Variants in NDUFB3 observed in about 807,000 individuals in gnomAD.
The protein encoded by NDUFB3 is NADH dehydrogenase [ubiquinone] 1 beta subcomplex subunit 3.
NDUFB3 carries 7 observed loss-of-function variants against 9.0 expected under a neutral mutation model. The observed-to-expected ratio is 0.78, with a 90% CI of 0.44 to 1.46. The LOEUF is 1.46. Among genes scored for constraint, NDUFB3 ranks in the 40% most tolerant of loss-of-function variants. NDUFB3 has a pLI of 0.01. For synonymous variants in NDUFB3, 29 were observed against 38.5 expected (o/e 0.75, Z 0.91); for missense variants, 93 against 115.4 (o/e 0.81, Z 0.89).
chr2:201,077,865 T>C (rs1470302979), intron 1 of NDUFB3, among the ~76,000 whole-genome samples: 2 of 152,196 alleles, frequency 1.3e-5, no homozygotes, highest in African/African-American at 4.8e-5. Context: ...AAAGAAACCT[T>C]TCATGTAATC....
At chr2:201,076,757 T>G (rs1329627031) in intron 1 of NDUFB3, among the ~76,000 whole-genome samples, 15 of 151,720 alleles carry the variant, frequency 9.9e-5, no homozygotes, top group African/African-American at 1.7e-4. Flanking sequence ...TAATGTGTCT[T>G]TAATATACAC....
At chr2:201,082,934 C>T (rs1425099439) in intron 2 of NDUFB3, among the ~76,000 whole-genome samples, 1 of 151,208 alleles carries the variant, frequency 6.6e-6, no homozygotes, top group Admixed American at 6.6e-5. Flanking sequence ...AGGATGGTCT[C>T]GATCTCCTGA....
Position 201,080,529 on chromosome 2 carries a change from C to T in NDUFB3, c.140+1507C>T, listed in dbSNP as rs531584896. Among the ~76,000 whole-genome samples, 283 of 151,948 alleles carry T rather than the reference C, an allele frequency of 1.9e-3. 1 individual carries two copies. Among genetic ancestry groups the T allele is most frequent in the African/African-American group, 6.4e-3 (266 of 41,446 alleles). On this transcript the variant is annotated intron_variant, in intron 2 of 2. Coordinates refer to ENST00000237889, the MANE Select transcript of NDUFB3 (RefSeq NM_002491.3). The stretch of plus-strand genomic sequence containing the variant: ...AGGCGGCAGTGAGCCAAGATCTGGC[C>T]ACTGCACTCCAACCTGGGCAACAGA...
At chr2:201,079,329 G>A (rs899222481) in intron 2 of NDUFB3, among the ~76,000 whole-genome samples, 8 of 152,080 alleles carry the variant, frequency 5.3e-5, no homozygotes, top group Admixed American at 1.3e-4. Context: ...GTTTTTAGTA[G>A]AGACGGGGTT....
chr2:201,075,340 C>T (rs745500331), intron 1 of NDUFB3, among the ~76,000 whole-genome samples: 4 of 151,776 alleles, frequency 2.6e-5, no homozygotes, highest in South Asian at 4.2e-4. Flanking sequence ...CCCAGGTGGG[C>T]GGATCACAAG....
chr2:201,076,212 G>A (rs1239249853), intron 1 of NDUFB3, among the ~76,000 whole-genome samples: 1 of 151,956 alleles, frequency 6.6e-6, no homozygotes, highest in Non-Finnish European at 1.5e-5. Context: ...ATTTAAATGT[G>A]AAAATCCTCC....
intron 1 of NDUFB3, among the ~76,000 whole-genome samples, chr2:201,075,565 CAAAAAAAA>C (rs771947770): frequency 2.1e-5 from 1 of 48,038 alleles, no homozygotes; most frequent in African/African-American, 7.0e-5. Flanking sequence ...GACTCTGTCT[CAAAAAAAA>C]AAAAAAAAAA....
At chr2:201,074,389 A>C (rs2047136138) in intron 1 of NDUFB3, among the ~76,000 whole-genome samples, 1 of 151,650 alleles carries the variant, frequency 6.6e-6, no homozygotes, top group Non-Finnish European at 1.5e-5. Flanking sequence ...CATATTGGAC[A>C]GTGTCTATCT....
chr2:201,084,450 ACT>A (rs1441743365), intron 2 of NDUFB3, among the ~76,000 whole-genome samples: 1 of 151,664 alleles, frequency 6.6e-6, no homozygotes, highest in Middle Eastern at 3.2e-3. Context: ...ACAGATTGAG[ACT>A]CTGTCATAAA....
chr2:201,077,818 A>G (rs1258351384), intron 1 of NDUFB3, among the ~76,000 whole-genome samples: 1 of 152,174 alleles, frequency 6.6e-6, no homozygotes, highest in Admixed American at 6.6e-5. Context: ...TACCTCTTTT[A>G]CCCACAAAGC....
At chr2:201,078,618 C>T (rs2047191233) in intron 1 of NDUFB3, among the ~76,000 whole-genome samples, 1 of 152,068 alleles carries the variant, frequency 6.6e-6, no homozygotes, top group African/African-American at 2.4e-5. Context: ...AAGAAAAGAA[C>T]CAGATAGTAA....
chr2:201,076,333 G>A (rs2047162191), intron 1 of NDUFB3, among the ~76,000 whole-genome samples: 2 of 151,508 alleles, frequency 1.3e-5, no homozygotes. Context: ...AACATAGGGA[G>A]GGTCCATCGC....
At chr2:201,077,978 G>T (rs1331696844) in intron 1 of NDUFB3, among the ~76,000 whole-genome samples, 1 of 152,030 alleles carries the variant, frequency 6.6e-6, no homozygotes, top group Admixed American at 6.6e-5. Flanking sequence ...ATTATGAAAG[G>T]ATTCAAAAGG....
chr2:201,083,201 C>T (rs969499673), intron 2 of NDUFB3, among the ~76,000 whole-genome samples: 3 of 152,112 alleles, frequency 2.0e-5, no homozygotes, highest in Non-Finnish European at 4.4e-5. Context: ...AAGTGGTGGA[C>T]GTCCTTGCCT....
chr2:201,084,471 C>A (rs141852703), intron 2 of NDUFB3, among the ~76,000 whole-genome samples: 1 of 151,018 alleles, frequency 6.6e-6, no homozygotes, highest in Admixed American at 6.6e-5. Context: ...AATAAATAAA[C>A]AAACAAACAA....
At chr2:201,085,410 A>G in intron 2 of NDUFB3, 49 bp from the exon 3 acceptor site, 1 of 1,431,510 alleles carries the variant, frequency 7.0e-7, no homozygotes, top group Non-Finnish European at 9.5e-7. Context: ...TTCAACGTAT[A>G]TACACACACG....
At chr2:201,082,055 A>G (rs796738752) in intron 2 of NDUFB3, among the ~76,000 whole-genome samples, 4 of 151,936 alleles carry the variant, frequency 2.6e-5, no homozygotes, top group African/African-American at 4.8e-5. Flanking sequence ...TGACCTCATG[A>G]TCCACCCACC....
intron 2 of NDUFB3, among the ~76,000 whole-genome samples, chr2:201,082,417 G>A (rs1345707715): frequency 6.7e-6 from 1 of 149,308 alleles, no homozygotes; most frequent in Admixed American, 6.7e-5. Context: ...GGTGCATGCC[G>A]CCATGCCCAG....
intron 1 of NDUFB3, among the ~76,000 whole-genome samples, chr2:201,077,977 G>T (rs1340851632): frequency 6.6e-6 from 1 of 152,100 alleles, no homozygotes; most frequent in Non-Finnish European, 1.5e-5. Flanking sequence ...CATTATGAAA[G>T]GATTCAAAAG....
Sources: gnomAD v4.1 joint callset for allele counts (sites outside exome capture counted in the v4.1 genomes callset) on GRCh38, gnomAD v4.1.1 for gene constraint, MANE v1.5 for transcripts, NCBI Gene and HGNC (gene_info 2026-07-23, HGNC 2026-07-21) for gene names.